Variants in SRGAP3 observed in about 807,000 individuals in gnomAD.
SRGAP3 encodes the protein SLIT-ROBO Rho GTPase activating protein 3, also known as SLIT-ROBO Rho GTPase-activating protein 3.
SRGAP3 carries 39 observed loss-of-function variants against 121.1 expected under a neutral mutation model. The ratio of observed to expected loss-of-function variants is 0.32; its 90% CI spans 0.25 to 0.42. The LOEUF is 0.42. Ranked by LOEUF, SRGAP3 falls within the 10% of genes least tolerant of loss-of-function variation. The probability of loss-of-function intolerance (pLI) is 1.00; values close to 1 mark genes in which losing one functional copy is unlikely to be tolerated. For synonymous variants in SRGAP3, 601 were observed against 570.0 expected, an observed-to-expected ratio of 1.05 and a Z score of -0.77; for missense variants, 1,213 against 1,470.6, an observed-to-expected ratio of 0.82 and a Z score of 2.86.
chr3:9,255,825 T>C (rs952372140), intron 3 of SRGAP3, among the ~76,000 whole-genome samples: 6 of 152,200 alleles, frequency 3.9e-5, no homozygotes, highest in African/African-American at 7.2e-5. Context: ...GCCTTGATAC[T>C]TATAAAGCAT....
chr3:9,232,519 T>A lies in SRGAP3; in HGVS notation c.67+16366A>T, dbSNP rs550368706. Among the ~76,000 whole-genome samples the A allele has an allele frequency of 3.9e-5, 6 of 152,286 alleles. No homozygotes were observed. In the East Asian group the frequency reaches 1.2e-3, roughly 29 times the overall value. On this transcript the variant is annotated intron_variant, in intron 1 of 21. Coordinates refer to ENST00000383836, the MANE Select transcript of SRGAP3 (RefSeq NM_014850.4). The stretch of plus-strand genomic sequence containing the variant: ...CATAGGGTTTTTATTTTTAAAACTG[T>A]AATACATACACACACAGACACACAT...
At chr3:9,203,799 A>G (rs955762294) in intron 1 of SRGAP3, among the ~76,000 whole-genome samples, 1 of 152,256 alleles carries the variant, frequency 6.6e-6, no homozygotes, top group Non-Finnish European at 1.5e-5. Context: ...CAAAGGTAAT[A>G]CTGTGTTCAC....
Position 8,994,255 on chromosome 3 carries a change from C to T in SRGAP3, c.2408+88G>A. On this transcript the variant is annotated intron_variant, in intron 19 of 21. Coordinates refer to ENST00000383836, the MANE Select transcript of SRGAP3 (RefSeq NM_014850.4). ...GATATCAAGGAGAGCAAATTGCTGGCATACAAGCTAGCACTCCCCTACGGT... is the reference window on the plus strand; with the variant it reads ...GATATCAAGGAGAGCAAATTGCTGGTATACAAGCTAGCACTCCCCTACGGT... 2.6e-6 allele frequency: 4 copies of T among 1,547,994 alleles called. No homozygotes were observed. The South Asian group carries it at 4.5e-5, about 17-fold the overall frequency.
At chr3:9,243,849 C>G (rs912522342) in intron 1 of SRGAP3, among the ~76,000 whole-genome samples, 5 of 152,152 alleles carry the variant, frequency 3.3e-5, no homozygotes, top group Admixed American at 1.3e-4. Context: ...CATGTTTGTT[C>G]AGGAAGCATA....
intron 5 of SRGAP3, among the ~76,000 whole-genome samples, chr3:9,063,317 T>C (rs568350853): frequency 1.3e-5 from 2 of 151,822 alleles, no homozygotes; most frequent in Non-Finnish European, 2.9e-5. Context: ...TTTGTAGAGA[T>C]AGGGTTCTGC....
chr3:9,024,503 T>C (rs957580408), intron 14 of SRGAP3, among the ~76,000 whole-genome samples: 4 of 152,224 alleles, frequency 2.6e-5, no homozygotes, highest in Non-Finnish European at 5.9e-5. Flanking sequence ...GAGTGTTTCC[T>C]GACCCAGTGA....
intron 1 of SRGAP3, among the ~76,000 whole-genome samples, chr3:9,147,375 G>A (rs1170810702): frequency 4.6e-5 from 7 of 152,056 alleles, no homozygotes; most frequent in Admixed American, 3.9e-4. Context: ...CCATCTGTGC[G>A]AGGCAGTTTC....
chr3:9,004,943 T>TTG (rs1942980428), intron 18 of SRGAP3, among the ~76,000 whole-genome samples: 3 of 152,228 alleles, frequency 2.0e-5, no homozygotes, highest in Admixed American at 2.0e-4. Context: ...TGAAATACTT[T>TTG]TGTGCTTCAA....
intron 14 of SRGAP3, 24 bp downstream of exon 14, chr3:9,025,237 C>G (rs1479444952): frequency 6.2e-7 from 1 of 1,613,806 alleles, no homozygotes. Context: ...GGCCACAAGC[C>G]TAAGATGGTC....
Position 9,249,369 on chromosome 3 carries a change from TACACACACACACCCTC to T in SRGAP3, c.-434_-419del. 8.3e-6 allele frequency: 3 copies of T among 361,996 alleles called. No individual in the cohort carries two copies. Among genetic ancestry groups the T allele is most frequent in the Non-Finnish European group, 1.5e-5 (3 of 194,334 alleles). The allele number at this position is 361,996 out of a possible 1,614,324, so 22.4% of individuals were successfully genotyped here. On this transcript the variant is annotated 5_prime_UTR_variant, in exon 1 of 22. The change abolishes the stop of an existing upstream ORF in the 5' untranslated region. Coordinates refer to ENST00000383836, the MANE Select transcript of SRGAP3 (RefSeq NM_014850.4). ...CACAGTTGTGCTGTGCACACAGGCA[TACACACACACACCCTC>T]ACACGCACACACACTCGCTGGATCA...
intron 1 of SRGAP3, among the ~76,000 whole-genome samples, chr3:9,192,300 T>C (rs1560386125): frequency 6.6e-6 from 1 of 152,218 alleles, no homozygotes; most frequent in Non-Finnish European, 1.5e-5. Context: ...ACATAGTTTA[T>C]GCTAACAGTG....
chr3:9,348,328 A>G, intron 1 of SRGAP3: 2 of 407,314 alleles, frequency 4.9e-6, no homozygotes, highest in South Asian at 4.6e-5. Context: ...CAAAGAGTGA[A>G]AAGAAGAGTG....
chr3:9,360,709 C>G (rs2030752033), intron 1 of SRGAP3, among the ~76,000 whole-genome samples: 1 of 152,202 alleles, frequency 6.6e-6, no homozygotes, highest in Non-Finnish European at 1.5e-5. Context: ...ATCAAACCAT[C>G]AGATCTTGTG....
intron 1 of SRGAP3, among the ~76,000 whole-genome samples, chr3:9,209,800 C>CA (rs1952384788): frequency 1.3e-5 from 2 of 152,084 alleles, no homozygotes; most frequent in South Asian, 4.1e-4. Flanking sequence ...GCTAGGCACT[C>CA]AAAAAGAATG....
chr3:9,230,261 A>G (rs914332597), intron 1 of SRGAP3, among the ~76,000 whole-genome samples: 7 of 152,226 alleles, frequency 4.6e-5, no homozygotes, highest in Non-Finnish European at 7.3e-5. Flanking sequence ...ACACTTGCCC[A>G]AAGTCACACG....
chr3:9,225,286 C>G (rs944376888), intron 1 of SRGAP3, among the ~76,000 whole-genome samples: 3 of 152,136 alleles, frequency 2.0e-5, no homozygotes, highest in African/African-American at 7.2e-5. Context: ...CTCTCTGCAC[C>G]CAACACCACC....
At chr3:9,220,006 G>A (rs1416351256) in intron 1 of SRGAP3, among the ~76,000 whole-genome samples, 2 of 152,140 alleles carry the variant, frequency 1.3e-5, no homozygotes, top group Non-Finnish European at 2.9e-5. Flanking sequence ...GTAGAAGGTA[G>A]ACTGATCATT....
At chr3:9,086,149 G>T (rs978412209) in intron 3 of SRGAP3, among the ~76,000 whole-genome samples, 8 of 152,152 alleles carry the variant, frequency 5.3e-5, no homozygotes, top group Non-Finnish European at 1.2e-4. Context: ...GCTTCCTGGG[G>T]GACCCAATCT....
At chr3:9,170,757 A>G (rs951124703) in intron 1 of SRGAP3, among the ~76,000 whole-genome samples, 4 of 152,236 alleles carry the variant, frequency 2.6e-5, no homozygotes, top group Non-Finnish European at 5.9e-5. Context: ...GTGAGGGCAC[A>G]TGCCCAGGTC....
Sources: gnomAD v4.1 joint callset for allele counts (sites outside exome capture counted in the v4.1 genomes callset) on GRCh38, gnomAD v4.1.1 for gene constraint, MANE v1.5 for transcripts, NCBI Gene and HGNC (gene_info 2026-07-23, HGNC 2026-07-21) for gene names.